Variants in CYFIP1 observed in about 807,000 individuals in gnomAD.
CYFIP1 encodes cytoplasmic FMR1-interacting protein 1.
In CYFIP1, 58 loss-of-function variants were observed where a neutral mutation model predicts 163.5. The observed-to-expected ratio is 0.35, with a 90% CI of 0.29 to 0.44. The LOEUF (loss-of-function observed/expected upper bound fraction) is 0.44. Ranked by LOEUF, CYFIP1 falls within the 20% of genes least tolerant of loss-of-function variation. The pLI is 1.00. For missense variants in CYFIP1, 1,338 were observed against 1,653.8 expected (o/e 0.81, Z 3.31); for synonymous variants, 663 against 660.7 (o/e 1.00, Z -0.05).
chr15:22,872,633 A>G, intron 30 of CYFIP1, 192 bp downstream of exon 30: 1 of 578,536 alleles, frequency 1.7e-6, no homozygotes, highest in Non-Finnish European at 3.0e-6. Flanking sequence ...CGGAACAATG[A>G]GTATTTTCTC....
chr15:22,922,869 G>A (rs2061232777), intron 13 of CYFIP1, among the ~76,000 whole-genome samples: 1 of 152,012 alleles, frequency 6.6e-6, no homozygotes, highest in Non-Finnish European at 1.5e-5. Flanking sequence ...GCGCACACCT[G>A]TAATCCCAGC....
chr15:22,874,505 G>T (rs1397069721), intron 28 of CYFIP1, 45 bp downstream of exon 28: 2 of 1,467,612 alleles, frequency 1.4e-6, no homozygotes, highest in African/African-American at 1.4e-5. Flanking sequence ...GGCCTGGCAT[G>T]GATGCCCAGC....
rs531291342 is a variant in CYFIP1 at position 22,977,062 on chromosome 15, G to A, written c.-7+3225C>T. Among the ~76,000 whole-genome samples the A allele has an allele frequency of 1.8e-3, 280 of 152,290 alleles. 4 individuals are homozygous for A. Among genetic ancestry groups the A allele is most frequent in the South Asian group, 4.3e-3 (21 of 4,830 alleles). ...TAAAAACACAAAATTAGCCAGACAT[G>A]GTGGCACATGCCTGTAATCCCAGCT... On this transcript the variant is annotated intron_variant, in intron 1 of 30. Transcript: ENST00000617928.
At chr15:22,964,398 CACACACA>C (rs2062827464) in intron 1 of CYFIP1, among the ~76,000 whole-genome samples, 1 of 145,824 alleles carries the variant, frequency 6.9e-6, no homozygotes, top group African/African-American at 2.6e-5. Context: ...CACACACACA[CACACACA>C]CACCCGGCAG....
At chr15:22,912,494 A>T in intron 17 of CYFIP1, 1 of 459,294 alleles carries the variant, frequency 2.2e-6, no homozygotes, top group Non-Finnish European at 3.8e-6. Flanking sequence ...GGGACAGCAG[A>T]CGCTCACTGA....
intron 23 of CYFIP1, among the ~76,000 whole-genome samples, chr15:22,890,982 C>A (rs1595527601): frequency 6.6e-6 from 1 of 152,218 alleles, no homozygotes; most frequent in Non-Finnish European, 1.5e-5. Flanking sequence ...CTCCCCAAGG[C>A]AGGCAATGCC....
At position 22,917,160 on chromosome 15, in the gene CYFIP1, G is replaced by T; in HGVS notation, c.1675-530C>A. The T allele has an allele frequency of 7.0e-7, 1 of 1,437,100 alleles. No individual in the cohort carries two copies. Among genetic ancestry groups the T allele is most frequent in the African/African-American group, 1.4e-5 (1 of 69,826 alleles). 89.0% of individuals were successfully genotyped at this position (1,437,100 alleles called of 1,614,324 possible). Reference sequence around the variant, plus strand: ...GTGGCTGGCACCACGCACAGGCCGAGGGCCGTCCCCCTGACCCTCCTGCAG... The same window carrying T: ...GTGGCTGGCACCACGCACAGGCCGATGGCCGTCCCCCTGACCCTCCTGCAG... On this transcript the variant is annotated intron_variant, in intron 15 of 30. Coordinates refer to ENST00000617928, the MANE Select transcript of CYFIP1 (RefSeq NM_014608.6). The surrounding 1 kb of genome is among the most constrained non-coding windows in gnomAD (Gnocchi z 4.2).
intron 3 of CYFIP1, among the ~76,000 whole-genome samples, chr15:22,946,139 CA>C (rs946288425): frequency 2.0e-5 from 3 of 151,340 alleles, no homozygotes; most frequent in African/African-American, 7.3e-5. Context: ...CTCGCCTCTA[CA>C]AAAAACACAA....
chr15:22,875,069 A>G, intron 27 of CYFIP1, 130 bp downstream of exon 27: 1 of 773,452 alleles, frequency 1.3e-6, no homozygotes, highest in Non-Finnish European at 2.3e-6. Flanking sequence ...ACTCCTCATT[A>G]CCCCTGGGTA....
chr15:22,964,982 T>A (rs1411556755), intron 1 of CYFIP1, among the ~76,000 whole-genome samples: 1 of 152,220 alleles, frequency 6.6e-6, no homozygotes, highest in Non-Finnish European at 1.5e-5. Flanking sequence ...TCCAGGTTTA[T>A]CCTTGTCACA....
At chr15:22,884,158 CT>C (rs551309928) in intron 23 of CYFIP1, among the ~76,000 whole-genome samples, 2 of 152,192 alleles carry the variant, frequency 1.3e-5, no homozygotes, top group South Asian at 2.1e-4. Context: ...CATTCTGCCC[CT>C]GGCCCCTCCC....
intron 14 of CYFIP1, 150 bp from the exon 15 acceptor site, chr15:22,918,085 G>T: frequency 1.1e-6 from 1 of 901,892 alleles, no homozygotes; most frequent in Non-Finnish European, 1.7e-6. Context: ...ATGTGGTAAT[G>T]GACCAGCTCA....
At chr15:22,927,338 CA>C (rs2061386649) in intron 12 of CYFIP1, among the ~76,000 whole-genome samples, 1 of 151,804 alleles carries the variant, frequency 6.6e-6, no homozygotes, top group Admixed American at 6.6e-5. Context: ...AAAAATTAGC[CA>C]GAAGTGGTGG....
In CYFIP1 at chr15:22,917,056, G is replaced by A. The variant is rs780098792; in HGVS notation, c.1675-426C>T. 2 of 1,513,064 alleles carry A rather than the reference G, an allele frequency of 1.3e-6. No homozygotes were observed. The highest frequency in any genetic ancestry group is 1.4e-5 in the African/African-American group (1 of 71,696). The allele number at this position is 1,513,064 out of a possible 1,614,324, so 93.7% of individuals were successfully genotyped here. A position where few individuals can be genotyped will look rare whatever the true frequency, so the allele number is the denominator to read the frequency against. On this transcript the variant is annotated intron_variant, in intron 15 of 30. Coordinates refer to ENST00000617928, the MANE Select transcript of CYFIP1 (RefSeq NM_014608.6). This position sits in a 1 kb window ranked among gnomAD's most constrained non-coding sequence, Gnocchi z 4.2. Reference sequence around the variant, plus strand: ...TAGACACGGACAGACAGGAGGGAGAGGCAGGAGAGAGACGTTAGTCACTCG... The same window carrying A: ...TAGACACGGACAGACAGGAGGGAGAAGCAGGAGAGAGACGTTAGTCACTCG...
At chr15:22,900,982 C>A (rs908870645) in intron 22 of CYFIP1, among the ~76,000 whole-genome samples, 5 of 151,840 alleles carry the variant, frequency 3.3e-5, no homozygotes, top group African/African-American at 1.2e-4. Context: ...GCGGGCAGAT[C>A]ATCTCAGGTC....
At chr15:22,965,207 C>T (rs2062864265) in intron 1 of CYFIP1, among the ~76,000 whole-genome samples, 1 of 152,140 alleles carries the variant, frequency 6.6e-6, no homozygotes, top group Non-Finnish European at 1.5e-5. Context: ...GCCTATAGTC[C>T]CAACACTTTG....
rs145343079 is a variant in CYFIP1 at position 22,924,285 on chromosome 15, G to T, written c.1359+1697C>A. Among the ~76,000 whole-genome samples, 566 of 152,218 alleles carry T rather than the reference G, an allele frequency of 3.7e-3. 2 individuals carry two copies. The highest frequency in any genetic ancestry group is 9.8e-3 in the African/African-American group (405 of 41,518). On this transcript the variant is annotated intron_variant, in intron 13 of 30. Coordinates refer to ENST00000617928, the MANE Select transcript of CYFIP1 (RefSeq NM_014608.6). ...CTATAAATACAAAAATTAGCCGGGC[G>T]TGGTGGTGGGTGCCTGTAATCCCAG... is the stretch of plus-strand genomic sequence containing the variant.
rs768590089 is a variant in CYFIP1 at position 22,873,575 on chromosome 15, T to G, written c.3365A>C (p.Asp1122Ala). 6.2e-7 allele frequency: 1 copy of G among 1,614,212 alleles called. No individual in the cohort carries two copies. The highest frequency in any genetic ancestry group is 1.1e-5 in the South Asian group (1 of 91,090). The stretch of plus-strand genomic sequence containing the variant: ...CAGTCTGTGAAACTCCACACACTCG[T>G]CCACATGCATGACCCCATTGCTGGG... ...PLPSNGVMHV[D>A]ECVEFHRLWS... Residue 1122 changes from aspartate to alanine, a missense_variant, in exon 29 of 31, where the codon GAC becomes GCC. By Grantham distance (126) the Asp-to-Ala change is moderately radical. This residue lies in a region of CYFIP1 where 306 missense variants were observed against 322.1 expected (regional missense o/e 0.95). Transcript: ENST00000617928.
chr15:22,928,389 T>TAATAAATA (rs200548603), intron 11 of CYFIP1, among the ~76,000 whole-genome samples: 72 of 147,654 alleles, frequency 4.9e-4, no homozygotes, highest in East Asian at 1.0e-3. Flanking sequence ...TCTCAAAAAA[T>TAATAAATA]AATAAATAAA....
Sources: allele counts gnomAD v4.1 joint callset (sites outside exome capture counted in the v4.1 genomes callset), GRCh38; gene constraint gnomAD v4.1.1; regional missense constraint gnomAD v4.1.1; non-coding constraint Gnocchi (gnomAD v3.1); transcripts MANE v1.5; gene names NCBI Gene and HGNC (gene_info 2026-07-23, HGNC 2026-07-21).